ZDBF2: variants seen among roughly 807,000 people sequenced by gnomAD.
The protein encoded by ZDBF2 is DBF4-type zinc finger-containing protein 2.
ZDBF2 carries 6 observed loss-of-function variants against 9.4 expected under a neutral mutation model. The ratio of observed to expected loss-of-function variants is 0.64; its 90% CI spans 0.35 to 1.27. ZDBF2 has a LOEUF of 1.27. Among genes scored for constraint, ZDBF2 ranks in the 50% most tolerant of loss-of-function variants. ZDBF2 has a pLI of 0.03. For synonymous variants in ZDBF2, 905 were observed against 946.3 expected (o/e 0.96, Z 0.80); for missense variants, 2,697 against 2,766.8 (o/e 0.97, Z 0.57).
rs1003416110 is a variant in ZDBF2, at chr2:206,310,418, G to C, written c.5890G>C (p.Glu1964Gln). Residue 1964 changes from glutamate (E) to glutamine (Q), a missense_variant, in exon 5 of 5, where the codon GAG becomes CAG. Around this residue, in one of 3 missense-constraint regions of ZDBF2, gnomAD observed 1,783 missense variants for 1,776.5 expected, o/e 1.00. Transcript: ENST00000374423. The stretch of plus-strand genomic sequence containing the variant: ...GATGAAAAGAAAAATAATTAGACAA[G>C]AGGAAGACCCACCAAAAAGTAAGTG... The part of the protein sequence containing the change: ...PVMKRKIIRQ[E>Q]EDPPKSKCSR... 6.2e-7 allele frequency: 1 copy of C among 1,613,938 alleles called. No individual in the cohort carries two copies. Among genetic ancestry groups the C allele is most frequent in the Admixed American group, 1.7e-5 (1 of 60,000 alleles).
intron 4 of ZDBF2, among the ~76,000 whole-genome samples, chr2:206,301,504 G>A (rs985455680): frequency 2.0e-5 from 3 of 151,866 alleles, no homozygotes; most frequent in Non-Finnish European, 4.4e-5. Context: ...GATATAAAAT[G>A]TCACCACCTG....
In ZDBF2 at chr2:206,308,693, A is replaced by C; in HGVS notation, c.4165A>C (p.Asn1389His). 1 of 1,612,538 alleles carries C rather than the reference A, an allele frequency of 6.2e-7. No individual in the cohort carries two copies. The highest frequency in any genetic ancestry group is 8.5e-7 in the Non-Finnish European group (1 of 1,179,760). Residue 1389 changes from asparagine to histidine, a missense_variant, in exon 5 of 5, where the codon AAT (asparagine) becomes CAT (histidine). This residue lies in a region of ZDBF2 where 1,783 missense variants were observed against 1,776.5 expected (regional missense o/e 1.00). Transcript: ENST00000374423. ...GCTTCAAAAACCTGTCAAAGAAATA[A>C]ATCTTTGGAAGGAAGACCATATTTA... ...DELQKPVKEI[N>H]LWKEDHIYLE...
rs1328228656 is a variant in ZDBF2 at position 206,310,224 on chromosome 2, T to A, written c.5696T>A (p.Ile1899Asn). ...PTQAVSESDDIVCGISDIDDL... is the reference protein window; with the variant it reads ...PTQAVSESDDNVCGISDIDDL... ...CAAGCTGTGTCAGAGAGTGATGATA[T>A]TGTCTGTGGTATTTCAGATATTGAT... Residue 1899 changes from isoleucine (I) to asparagine (N), a missense_variant, in exon 5 of 5, where the codon ATT becomes AAT. Physicochemically the swap from Ile to Asn is moderately radical, Grantham distance 149. This residue lies in a region of ZDBF2 where 1,783 missense variants were observed against 1,776.5 expected (regional missense o/e 1.00). Transcript: ENST00000374423. The A allele has an allele frequency of 1.9e-6, 3 of 1,613,910 alleles. No individual in the cohort carries two copies. In the South Asian group the frequency reaches 3.3e-5, roughly 18 times the overall value.
At chr2:206,295,294 T>C (rs1486200523) in intron 3 of ZDBF2, among the ~76,000 whole-genome samples, 1 of 152,102 alleles carries the variant, frequency 6.6e-6, no homozygotes, top group East Asian at 1.9e-4. Context: ...ATTCAAATCC[T>C]GGCCTTGCTG....
intron 4 of ZDBF2, among the ~76,000 whole-genome samples, chr2:206,297,974 C>G (rs1692287505): frequency 6.6e-6 from 1 of 152,118 alleles, no homozygotes; most frequent in Non-Finnish European, 1.5e-5. Flanking sequence ...AGCTACCACA[C>G]CTGGCAAAAT....
chr2:206,307,633 A>G lies in ZDBF2; in HGVS notation c.3105A>G (p.Lys1035=), dbSNP rs1692884429. ...ATGTTCTAGAAAACAAGAATGATAA[A>G]TGTAGTGGTTCTGAAATAATTTTGG... is the stretch of plus-strand genomic sequence containing the variant. ...KQYVLENKND[K]CSGSEIILDS... is the part of the protein sequence containing the mutation. Residue 1035 remains lysine (K), a synonymous_variant, in exon 5 of 5, where the codon AAA becomes AAG. Coordinates refer to ENST00000374423, the MANE Select transcript of ZDBF2 (RefSeq NM_020923.3). 1 of 1,612,484 alleles carries G rather than the reference A, an allele frequency of 6.2e-7. No homozygotes were observed. Among genetic ancestry groups the G allele is most frequent in the Non-Finnish European group, 8.5e-7 (1 of 1,179,374 alleles).
chr2:206,275,716 G>C (rs900894258), intron 1 of ZDBF2, among the ~76,000 whole-genome samples: 2 of 152,172 alleles, frequency 1.3e-5, no homozygotes, highest in Non-Finnish European at 2.9e-5. Flanking sequence ...TGTGGGGAGG[G>C]GGAGGGACGA....
In ZDBF2 at chr2:206,310,480, A is replaced by C; in HGVS notation, c.5952A>C (p.Lys1984Asn). 6.2e-7 allele frequency: 1 copy of C among 1,613,744 alleles called. No individual in the cohort carries two copies. Among genetic ancestry groups the C allele is most frequent in the Non-Finnish European group, 8.5e-7 (1 of 1,179,854 alleles). ...AGGATGACAGAAAAACCAAAAAGAA[A>C]GTCAAAATTGGGACAGTTGAATTTC... Reference protein sequence around the residue: ...RLQDDRKTKKKVKIGTVEFPA... With the variant: ...RLQDDRKTKKNVKIGTVEFPA... Residue 1984 changes from lysine (K) to asparagine (N), a missense_variant, in exon 5 of 5, where the codon AAA (lysine) becomes AAC (asparagine). Around this residue, in one of 3 missense-constraint regions of ZDBF2, gnomAD observed 1,783 missense variants for 1,776.5 expected, o/e 1.00. Transcript: ENST00000374423.
chr2:206,291,370 A>C (rs939603152), intron 3 of ZDBF2, among the ~76,000 whole-genome samples: 1 of 152,174 alleles, frequency 6.6e-6, no homozygotes, highest in Non-Finnish European at 1.5e-5. Context: ...ATCTGACAGG[A>C]GGTGAAGCTC....
chr2:206,310,921 A>G lies in ZDBF2; in HGVS notation c.6393A>G (p.Glu2131=). The change falls in exon 5 of 5, where the codon GAA becomes GAG. Residue 2131 remains glutamate (E), a synonymous_variant. Coordinates refer to ENST00000374423, the MANE Select transcript of ZDBF2 (RefSeq NM_020923.3). ...GTGACTCTTCTCTGTTTCTGGAAGAATCAAAGGTTCTGCATGCTCGTGAGC... is the reference window on the plus strand; with the variant it reads ...GTGACTCTTCTCTGTTTCTGGAAGAGTCAAAGGTTCTGCATGCTCGTGAGC... ...GTSDSSLFLE[E]SKVLHARELP... The G allele has an allele frequency of 9.3e-6, 15 of 1,613,940 alleles. No individual in the cohort carries two copies. Among genetic ancestry groups the G allele is most frequent in the Non-Finnish European group, 1.2e-5 (14 of 1,179,888 alleles).
chr2:206,282,552 A>C (rs1232301319), intron 3 of ZDBF2, among the ~76,000 whole-genome samples: 1 of 152,154 alleles, frequency 6.6e-6, no homozygotes, highest in African/African-American at 2.4e-5. Context: ...TCTTTAAGAC[A>C]TTGTAGGCTA....
chr2:206,303,945 C>A (rs948470906), intron 4 of ZDBF2, among the ~76,000 whole-genome samples: 2 of 151,458 alleles, frequency 1.3e-5, no homozygotes, highest in African/African-American at 4.8e-5. Context: ...TTAACCAGTA[C>A]CCAGTTACTG....
intron 3 of ZDBF2, among the ~76,000 whole-genome samples, chr2:206,294,609 C>A (rs1304270544): frequency 6.6e-6 from 1 of 152,092 alleles, no homozygotes; most frequent in African/African-American, 2.4e-5. Flanking sequence ...GAGCATAGTA[C>A]CTGATAGGTA....
At chr2:206,304,261 G>A (rs943520751) in intron 4 of ZDBF2, among the ~76,000 whole-genome samples, 3 of 152,158 alleles carry the variant, frequency 2.0e-5, no homozygotes, top group Admixed American at 2.0e-4. Context: ...GCTAACATTT[G>A]TGAATGCTTA....
intron 3 of ZDBF2, among the ~76,000 whole-genome samples, chr2:206,289,617 C>T (rs73052136): frequency 0.027 from 4,181 of 152,248 alleles, 166 homozygotes; most frequent in African/African-American, 0.095. Flanking sequence ...GCCAATGGAG[C>T]AAAACACGTT....
At chr2:206,295,806 T>C (rs1304866832) in intron 3 of ZDBF2, among the ~76,000 whole-genome samples, 1 of 152,174 alleles carries the variant, frequency 6.6e-6, no homozygotes, top group Admixed American at 6.5e-5. Flanking sequence ...AGGTGCCCCA[T>C]AGGTAGACTT....
Position 206,304,760 on chromosome 2 carries a change from G to A in ZDBF2, c.232G>A (p.Glu78Lys). 1 of 1,613,492 alleles carries A rather than the reference G, an allele frequency of 6.2e-7. No individual in the cohort carries two copies. Among genetic ancestry groups the A allele is most frequent in the South Asian group, 1.1e-5 (1 of 91,048 alleles). ...ACATGTGAATACTGGGTCATCGTCT[G>A]AAGTGGTGCATTTGGATGATGCTTT... The part of the protein sequence containing the change: ...ETHVNTGSSS[E>K]VVHLDDAFSE... The change falls in exon 5 of 5, where the codon GAA (glutamate) becomes AAA (lysine). Residue 78 changes from glutamate to lysine, a missense_variant. Physicochemically the swap from Glu to Lys is moderately conservative, Grantham distance 56. Coordinates refer to ENST00000374423, the MANE Select transcript of ZDBF2 (RefSeq NM_020923.3).
In ZDBF2 at chr2:206,310,906, T is replaced by G. The variant is rs1304115969; in HGVS notation, c.6378T>G (p.Ser2126=). The G allele has an allele frequency of 1.9e-6, 3 of 1,613,810 alleles. No individual in the cohort carries two copies. Among genetic ancestry groups the G allele is most frequent in the Non-Finnish European group, 2.5e-6 (3 of 1,179,872 alleles). ...CACATCAGGGAACCAGTGACTCTTC[T>G]CTGTTTCTGGAAGAATCAAAGGTTC... ...FNSHQGTSDS[S]LFLEESKVLH... Residue 2126 remains serine (S), a synonymous_variant, in exon 5 of 5, where the codon TCT becomes TCG. Transcript: ENST00000374423.
chr2:206,285,837 T>TA (rs1691572526), intron 3 of ZDBF2, among the ~76,000 whole-genome samples: 2 of 152,204 alleles, frequency 1.3e-5, no homozygotes, highest in Admixed American at 6.5e-5. Flanking sequence ...TGGTGAGAGA[T>TA]AGGGGTCTAG....
Sources: allele counts gnomAD v4.1 joint callset (sites outside exome capture counted in the v4.1 genomes callset), GRCh38; gene constraint gnomAD v4.1.1; regional missense constraint gnomAD v4.1.1; transcripts MANE v1.5; gene names NCBI Gene and HGNC (gene_info 2026-07-23, HGNC 2026-07-21).